PAPSS1: variants seen among roughly 807,000 people sequenced by gnomAD.
PAPSS1 encodes bifunctional 3'-phosphoadenosine 5'-phosphosulfate synthase 1.
PAPSS1 carries 50 observed loss-of-function variants against 72.0 expected under a neutral mutation model. The observed-to-expected ratio is 0.69, with a 90% CI of 0.55 to 0.88. The LOEUF is 0.88. Ranked by LOEUF, PAPSS1 falls within the 40% of genes least tolerant of loss-of-function variation. The pLI is 0.00. For synonymous variants in PAPSS1, 261 were observed against 263.6 expected (o/e 0.99, Z 0.09); for missense variants, 657 against 782.2 (o/e 0.84, Z 1.91).
intron 11 of PAPSS1, among the ~76,000 whole-genome samples, chr4:107,617,014 T>A (rs560498301): frequency 2.2e-4 from 33 of 152,202 alleles, no homozygotes; most frequent in African/African-American, 7.9e-4. Context: ...ATCTTCCTTA[T>A]CACAGTTCAC....
chr4:107,681,913 A>C, intron 5 of PAPSS1, 102 bp downstream of exon 5: 1 of 651,164 alleles, frequency 1.5e-6, no homozygotes, highest in Non-Finnish European at 2.8e-6. Flanking sequence ...TTTAAAATAC[A>C]AATGTTACTC....
At chr4:107,654,320 A>G (rs2110318772) in intron 8 of PAPSS1, among the ~76,000 whole-genome samples, 1 of 152,262 alleles carries the variant, frequency 6.6e-6, no homozygotes, top group Admixed American at 6.5e-5. Context: ...TTCACATCAA[A>G]CCACCCTGGT....
chr4:107,710,046 C>T lies in PAPSS1; in HGVS notation c.61-8761G>A, dbSNP rs369118372. Among the ~76,000 whole-genome samples the T allele has an allele frequency of 7.9e-5, 12 of 152,306 alleles. No individual in the cohort carries two copies. In the East Asian group the frequency reaches 1.9e-3, roughly 24 times the overall value. On this transcript the variant is annotated intron_variant, in intron 1 of 11. Transcript: ENST00000265174. ...CACAGCCACTTATACATGTAATCTT[C>T]TTCTACTTCCCCTTTCCTTCCTTCT...
intron 8 of PAPSS1, among the ~76,000 whole-genome samples, chr4:107,653,887 A>G (rs1726926538): frequency 6.6e-6 from 1 of 152,228 alleles, no homozygotes; most frequent in Non-Finnish European, 1.5e-5. Context: ...TTCAAGTAAC[A>G]AAAACATTCT....
chr4:107,664,365 ATCT>A (rs1727262858), intron 5 of PAPSS1, among the ~76,000 whole-genome samples: 1 of 152,134 alleles, frequency 6.6e-6, no homozygotes, highest in Non-Finnish European at 1.5e-5. Context: ...CAGCAGACAC[ATCT>A]TCTGATTTTT....
At chr4:107,659,358 TGG>T (rs1024280888) in intron 6 of PAPSS1, among the ~76,000 whole-genome samples, 8 of 152,242 alleles carry the variant, frequency 5.3e-5, no homozygotes, top group African/African-American at 1.9e-4. Context: ...AAAGAAAGGA[TGG>T]GGAATCTAAC....
intron 4 of PAPSS1, among the ~76,000 whole-genome samples, chr4:107,684,957 G>C (rs1417451430): frequency 6.6e-6 from 1 of 151,930 alleles, no homozygotes; most frequent in Non-Finnish European, 1.5e-5. Context: ...CCAGGCTAGA[G>C]TGCAGTGGCA....
chr4:107,651,252 C>T (rs1726832016), intron 9 of PAPSS1, among the ~76,000 whole-genome samples: 1 of 152,208 alleles, frequency 6.6e-6, no homozygotes, highest in Non-Finnish European at 1.5e-5. Flanking sequence ...TAGGTAGGAA[C>T]TATGGAGCAC....
At chr4:107,689,908 A>G (rs1722874344) in intron 3 of PAPSS1, among the ~76,000 whole-genome samples, 1 of 152,136 alleles carries the variant, frequency 6.6e-6, no homozygotes, top group Non-Finnish European at 1.5e-5. Context: ...CTTTATTCAG[A>G]AAGCACCATG....
intron 3 of PAPSS1, among the ~76,000 whole-genome samples, chr4:107,690,283 TC>T (rs1296738191): frequency 6.6e-6 from 1 of 152,098 alleles, no homozygotes; most frequent in East Asian, 1.9e-4. Flanking sequence ...CTCACAATCA[TC>T]CTTCATATCA....
rs781002499 is a variant in PAPSS1, at chr4:107,631,815, A to C, written c.1552T>G (p.Tyr518Asp). Reference protein sequence around the residue: ...RARMVAGANFYIVGRDPAGMP... With the variant: ...RARMVAGANFDIVGRDPAGMP... ...CCAGCAGGGTCTCGTCCAACAATGT[A>C]AAAGTTGGCTCCTGCAACCATCCGT... Residue 518 changes from tyrosine to aspartate, a missense_variant, in exon 11 of 12, where the codon TAC (tyrosine) becomes GAC (aspartate). Transcript: ENST00000265174. 1 of 1,614,090 alleles carries C rather than the reference A, an allele frequency of 6.2e-7. No homozygotes were observed. Among genetic ancestry groups the C allele is most frequent in the Non-Finnish European group, 8.5e-7 (1 of 1,179,982 alleles).
intron 5 of PAPSS1, among the ~76,000 whole-genome samples, chr4:107,675,979 C>A (rs1727632996): frequency 6.6e-6 from 1 of 152,192 alleles, no homozygotes; most frequent in South Asian, 2.1e-4. Flanking sequence ...TGACACAATT[C>A]AACAATGCGT....
At chr4:107,701,321 T>C in intron 1 of PAPSS1, 36 bp from the exon 2 acceptor site, 1 of 1,321,066 alleles carries the variant, frequency 7.6e-7, no homozygotes, top group Non-Finnish European at 1.1e-6. Flanking sequence ...CTAGTTTACA[T>C]GAGTCCTTTA....
intron 7 of PAPSS1, among the ~76,000 whole-genome samples, chr4:107,656,553 C>G (rs548649542): frequency 4.7e-4 from 71 of 152,316 alleles, no homozygotes; most frequent in South Asian, 4.1e-3. Context: ...GGCTTCAGTA[C>G]TGCAAAACGC....
intron 11 of PAPSS1, among the ~76,000 whole-genome samples, chr4:107,624,164 T>C (rs1008826251): frequency 2.0e-5 from 3 of 152,208 alleles, no homozygotes; most frequent in Non-Finnish European, 1.5e-5. Flanking sequence ...CCCAAGACCT[T>C]GACATGCACA....
chr4:107,670,565 G>T (rs375427222), intron 5 of PAPSS1, among the ~76,000 whole-genome samples: 1 of 151,980 alleles, frequency 6.6e-6, no homozygotes, highest in South Asian at 2.1e-4. Context: ...TTCAGACAGG[G>T]TCTCACTCTG....
intron 5 of PAPSS1, among the ~76,000 whole-genome samples, chr4:107,681,406 G>GACAAAAC (rs1451444111): frequency 1.3e-5 from 2 of 152,112 alleles, no homozygotes; most frequent in African/African-American, 4.8e-5. Context: ...GGGTAGTATG[G>GACAAAAC]ACAAAACACA....
intron 1 of PAPSS1, among the ~76,000 whole-genome samples, chr4:107,709,484 C>T (rs1723431090): frequency 6.6e-6 from 1 of 152,150 alleles, no homozygotes; most frequent in Admixed American, 6.5e-5. Context: ...AATAAAAGAC[C>T]ACCAGGTTAG....
intron 2 of PAPSS1, among the ~76,000 whole-genome samples, chr4:107,696,769 G>A (rs1272485767): frequency 6.6e-6 from 1 of 152,074 alleles, no homozygotes; most frequent in African/African-American, 2.4e-5. Flanking sequence ...AGGAGGATAT[G>A]TTGAGAGCAT....
Sources: allele counts gnomAD v4.1 joint callset (sites outside exome capture counted in the v4.1 genomes callset), GRCh38; gene constraint gnomAD v4.1.1; transcripts MANE v1.5; gene names NCBI Gene and HGNC (gene_info 2026-07-23, HGNC 2026-07-21).